Variants in UNC5C observed in about 807,000 individuals in gnomAD.
UNC5C encodes unc-5 netrin receptor C, also known as netrin receptor UNC5C.
In UNC5C, 47 loss-of-function variants were observed where a neutral mutation model predicts 99.8. That is an observed-to-expected ratio of 0.47 (90% CI 0.37 to 0.60). The LOEUF is 0.60. UNC5C is among the 20% of genes least tolerant of loss of function. The pLI is 0.00. For synonymous variants in UNC5C, 487 were observed against 452.2 expected, an observed-to-expected ratio of 1.08 and a Z score of -0.98; for missense variants, 1,062 against 1,165.9, an observed-to-expected ratio of 0.91 and a Z score of 1.30.
intron 12 of UNC5C, among the ~76,000 whole-genome samples, chr4:95,193,658 C>T (rs1737251089): frequency 6.6e-6 from 1 of 152,204 alleles, no homozygotes; most frequent in Non-Finnish European, 1.5e-5. Context: ...GCGATGGTGG[C>T]TGTCACTGCT....
chr4:95,391,868 T>G (rs1745370645), intron 1 of UNC5C, among the ~76,000 whole-genome samples: 1 of 151,356 alleles, frequency 6.6e-6, no homozygotes, highest in African/African-American at 2.4e-5. Context: ...CTTGAGACCA[T>G]GAGTTTGAGA....
intron 1 of UNC5C, among the ~76,000 whole-genome samples, chr4:95,528,661 G>T (rs542798320): frequency 1.3e-5 from 2 of 152,276 alleles, no homozygotes; most frequent in Non-Finnish European, 2.9e-5. Context: ...ATTTTGCACT[G>T]CAGAAATGTA....
intron 14 of UNC5C, among the ~76,000 whole-genome samples, chr4:95,176,410 G>A (rs1218936748): frequency 6.6e-6 from 1 of 151,916 alleles, no homozygotes; most frequent in Non-Finnish European, 1.5e-5. Context: ...GTGATGTACA[G>A]ATGGGTTTTT....
chr4:95,264,371 C>T (rs538735624), intron 4 of UNC5C, among the ~76,000 whole-genome samples: 2 of 152,218 alleles, frequency 1.3e-5, no homozygotes, highest in Admixed American at 6.5e-5. Context: ...TATTTGTCCT[C>T]GTAGGCTTGT....
chr4:95,188,111 A>G (rs183408802), intron 12 of UNC5C, among the ~76,000 whole-genome samples: 8 of 152,302 alleles, frequency 5.3e-5, no homozygotes, highest in Admixed American at 4.6e-4. Flanking sequence ...CTAAGTACTA[A>G]TACTGTATTT....
intron 1 of UNC5C, among the ~76,000 whole-genome samples, chr4:95,361,443 C>A (rs80172078): frequency 6.6e-6 from 1 of 152,240 alleles, no homozygotes; most frequent in African/African-American, 2.4e-5. Context: ...AATTAAAAAG[C>A]AAACAAAACT....
intron 1 of UNC5C, among the ~76,000 whole-genome samples, chr4:95,352,510 T>C (rs1448928708): frequency 1.3e-5 from 2 of 152,166 alleles, no homozygotes; most frequent in Non-Finnish European, 2.9e-5. Flanking sequence ...GTTTACTAAG[T>C]TAGTTGTTTA....
At chr4:95,498,202 G>A (rs73842303) in intron 1 of UNC5C, among the ~76,000 whole-genome samples, 4,372 of 152,028 alleles carry the variant, frequency 0.029, 98 homozygotes, top group African/African-American at 0.066. Context: ...CCTTAATGTT[G>A]CAGAATTAGG....
Position 95,173,004 on chromosome 4 carries a change from T to C in UNC5C, c.2452-2672A>G, listed in dbSNP as rs571809335. Among the ~76,000 whole-genome samples, 73 of 152,250 alleles carry C rather than the reference T, an allele frequency of 4.8e-4. No individual in the cohort carries two copies. The South Asian group carries it at 9.8e-3, about 20-fold the overall frequency. ...AGTATTTTATTCTCTTTGAAGCAAT[T>C]GTGAATGGGAGTTCACTCATGATTT... On this transcript the variant is annotated intron_variant, in intron 14 of 15. Coordinates refer to ENST00000453304, the MANE Select transcript of UNC5C (RefSeq NM_003728.4).
intron 7 of UNC5C, among the ~76,000 whole-genome samples, chr4:95,222,798 A>G (rs1738520874): frequency 6.6e-6 from 1 of 152,072 alleles, no homozygotes; most frequent in South Asian, 2.1e-4. Context: ...TCCATCTCAA[A>G]TCTACTTTTT....
At chr4:95,284,954 G>A (rs891557343) in intron 3 of UNC5C, among the ~76,000 whole-genome samples, 11 of 152,068 alleles carry the variant, frequency 7.2e-5, no homozygotes, top group Admixed American at 6.5e-4. Flanking sequence ...TATTGTCATG[G>A]GTCATACTAA....
chr4:95,451,548 T>C (rs1420512124), intron 1 of UNC5C, among the ~76,000 whole-genome samples: 3 of 152,196 alleles, frequency 2.0e-5, no homozygotes, highest in African/African-American at 7.2e-5. Context: ...ATCATAAATA[T>C]ACATTAAGGA....
chr4:95,176,248 A>G (rs1279130008), intron 14 of UNC5C, among the ~76,000 whole-genome samples: 3 of 152,218 alleles, frequency 2.0e-5, no homozygotes, highest in African/African-American at 4.8e-5. Context: ...CAGCTCGTCA[A>G]GGTCATTCCC....
At chr4:95,523,771 C>T (rs1722425935) in intron 1 of UNC5C, among the ~76,000 whole-genome samples, 1 of 152,002 alleles carries the variant, frequency 6.6e-6, no homozygotes, top group African/African-American at 2.4e-5. Context: ...TTCCAATTAC[C>T]AAATACATAA....
rs2149342351 is a variant in UNC5C at position 95,168,298 on chromosome 4, C to G, written c.*936G>C. 1 of 152,288 alleles carries G rather than the reference C, an allele frequency of 6.6e-6. No individual in the cohort carries two copies. The highest frequency in any genetic ancestry group is 1.5e-5 in the Non-Finnish European group (1 of 68,026). 9.4% of individuals were successfully genotyped at this position (152,288 alleles called of 1,614,324 possible). On this transcript the variant is annotated 3_prime_UTR_variant, in exon 16 of 16. Transcript: ENST00000453304. ...AGGAAGTGATGCATGTTGAATTAAA[C>G]TGATGACCACACCCACCTTGATAGG...
intron 7 of UNC5C, among the ~76,000 whole-genome samples, chr4:95,233,151 T>C (rs1738976788): frequency 6.6e-6 from 1 of 152,252 alleles, no homozygotes; most frequent in Admixed American, 6.5e-5. Flanking sequence ...TGGAGAGCTC[T>C]GCCACTTCCT....
At chr4:95,495,492 G>T (rs984213177) in intron 1 of UNC5C, among the ~76,000 whole-genome samples, 2 of 151,598 alleles carry the variant, frequency 1.3e-5, no homozygotes, top group Non-Finnish European at 3.0e-5. Context: ...GAATTGAGTT[G>T]CACATATTAT....
At chr4:95,235,910 T>C (rs1739092940) in intron 7 of UNC5C, among the ~76,000 whole-genome samples, 1 of 151,996 alleles carries the variant, frequency 6.6e-6, no homozygotes, top group Non-Finnish European at 1.5e-5. Flanking sequence ...GTTAGAATGG[T>C]GATCATTAAA....
intron 1 of UNC5C, among the ~76,000 whole-genome samples, chr4:95,475,733 T>A (rs1008841328): frequency 1.3e-5 from 2 of 152,116 alleles, no homozygotes; most frequent in East Asian, 3.9e-4. Context: ...TGGGAAAACT[T>A]ACTGCTAAAC....
Sources: gnomAD v4.1 joint callset for allele counts (sites outside exome capture counted in the v4.1 genomes callset) on GRCh38, gnomAD v4.1.1 for gene constraint, MANE v1.5 for transcripts, NCBI Gene and HGNC (gene_info 2026-07-23, HGNC 2026-07-21) for gene names.